FARP1: variants seen among roughly 807,000 people sequenced by gnomAD.
FARP1 encodes the protein FERM, ARH/RhoGEF and pleckstrin domain protein 1, also known as FERM, ARHGEF and pleckstrin domain-containing protein 1.
A neutral mutation model predicts 128.8 loss-of-function variants in FARP1; 52 were observed. That is an observed-to-expected ratio of 0.40 (90% CI 0.32 to 0.51). The LOEUF (loss-of-function observed/expected upper bound fraction) is 0.51, where lower values mean the gene tolerates loss of function less well. Among genes scored for constraint, FARP1 ranks in the 20% least tolerant of loss-of-function variants. The pLI, the probability that FARP1 is intolerant of heterozygous loss-of-function variation, is 0.45. For missense variants in FARP1, 1,333 were observed against 1,367.9 expected (o/e 0.97, Z 0.40); for synonymous variants, 580 against 551.8 (o/e 1.05, Z -0.72).
chr13:98,215,416 G>T (rs1037712524), intron 2 of FARP1, among the ~76,000 whole-genome samples: 2 of 152,160 alleles, frequency 1.3e-5, no homozygotes, highest in African/African-American at 4.8e-5. Flanking sequence ...ATGCACAAGG[G>T]AGCCTGGGTT....
intron 2 of FARP1, among the ~76,000 whole-genome samples, chr13:98,312,135 C>CTGTTTT (rs1886489023): frequency 1.2e-5 from 1 of 86,120 alleles, no homozygotes; most frequent in African/African-American, 4.8e-5. Flanking sequence ...GTGGTAACTG[C>CTGTTTT]TTTTTTTTTT....
At chr13:98,246,814 T>C (rs1883093283) in intron 2 of FARP1, among the ~76,000 whole-genome samples, 1 of 152,128 alleles carries the variant, frequency 6.6e-6, no homozygotes, top group Non-Finnish European at 1.5e-5. Context: ...AAATGGAACA[T>C]TGTTAATTAG....
chr13:98,165,786 C>T (rs1275726048), intron 1 of FARP1, among the ~76,000 whole-genome samples: 6 of 120,720 alleles, frequency 5.0e-5, no homozygotes, highest in East Asian at 2.8e-4. Context: ...GGTGCGATCT[C>T]GGGTCACTGA....
chr13:98,186,002 T>A (rs1015149882), intron 1 of FARP1, among the ~76,000 whole-genome samples: 1 of 151,694 alleles, frequency 6.6e-6, no homozygotes, highest in African/African-American at 2.4e-5. Flanking sequence ...CCGGCCACAT[T>A]TACTGTTTTG....
At chr13:98,226,118 G>T (rs1881748626) in intron 2 of FARP1, among the ~76,000 whole-genome samples, 1 of 152,214 alleles carries the variant, frequency 6.6e-6, no homozygotes, top group South Asian at 2.1e-4. Context: ...GTGGCTTGAA[G>T]AATCTCAGTG....
At chr13:98,395,675 G>A (rs566547263) in intron 13 of FARP1, 199 bp downstream of exon 13, 21 of 614,134 alleles carry the variant, frequency 3.4e-5, no homozygotes, top group Non-Finnish European at 3.7e-5. Flanking sequence ...GAGGAGGGGC[G>A]AAGAGAGGCT....
chr13:98,223,639 C>CT (rs1338879973), intron 2 of FARP1, among the ~76,000 whole-genome samples: 1 of 152,148 alleles, frequency 6.6e-6, no homozygotes, highest in Non-Finnish European at 1.5e-5. Flanking sequence ...GAAGACATTG[C>CT]TTTGTTTTTT....
chr13:98,364,390 G>T (rs1253900123), intron 3 of FARP1, among the ~76,000 whole-genome samples: 1 of 152,072 alleles, frequency 6.6e-6, no homozygotes, highest in Non-Finnish European at 1.5e-5. Context: ...TTTAATGGGT[G>T]GAAATGGTAT....
chr13:98,384,518 G>C (rs1043245471), intron 6 of FARP1: 14 of 581,034 alleles, frequency 2.4e-5, no homozygotes, highest in Non-Finnish European at 4.3e-5. Context: ...GACTGATAGA[G>C]ATGAGGAGGG....
At chr13:98,275,626 C>CTTTTTTTTTTTTT (rs1566822544) in intron 2 of FARP1, among the ~76,000 whole-genome samples, 1 of 140,524 alleles carries the variant, frequency 7.1e-6, no homozygotes. Flanking sequence ...TTCTCTTTCT[C>CTTTTTTTTTTTTT]TCTTTTTTTT....
intron 2 of FARP1, among the ~76,000 whole-genome samples, chr13:98,324,231 A>G (rs1021261774): frequency 2.0e-5 from 3 of 152,180 alleles, no homozygotes; most frequent in African/African-American, 7.2e-5. Context: ...ACAAAGGTCA[A>G]GTTACTCTCA....
At chr13:98,311,733 A>G (rs1468871225) in intron 2 of FARP1, among the ~76,000 whole-genome samples, 2 of 151,942 alleles carry the variant, frequency 1.3e-5, no homozygotes, top group East Asian at 3.9e-4. Context: ...CCTAGAGAGA[A>G]CTCGTACTTT....
In FARP1 at chr13:98,446,799, G is replaced by A. The variant is rs1892869311; in HGVS notation, c.3038G>A (p.Ser1013Asn). The A allele has an allele frequency of 6.2e-7, 1 of 1,614,158 alleles. No individual in the cohort carries two copies. The highest frequency in any genetic ancestry group is 1.1e-5 in the South Asian group (1 of 91,078). ...KSHVYYFRAESEYTFERWMEV... is the reference protein window; with the variant it reads ...KSHVYYFRAENEYTFERWMEV... ...CACGTCTACTACTTCAGGGCGGAAA[G>A]CGAGTACACGTTCGAAAGGTAGACA... The change falls in exon 26 of 27, where the codon AGC becomes AAC. Residue 1013 changes from serine (S) to asparagine (N), a missense_variant. Ser to Asn is a conservative substitution (Grantham distance 46). This residue lies in a region of FARP1 where 1,009 missense variants were observed against 969.8 expected (regional missense o/e 1.04). Transcript: ENST00000319562.
chr13:98,361,195 G>A (rs1051006337), intron 3 of FARP1, among the ~76,000 whole-genome samples: 3 of 152,110 alleles, frequency 2.0e-5, no homozygotes, highest in Admixed American at 6.5e-5. Flanking sequence ...CTGCAATCTC[G>A]CTGGGAAACA....
rs57751374 is a variant in FARP1 at position 98,419,483 on chromosome 13, TACACACACACACACAC to T, written c.1827-5070_1827-5055del. On this transcript the variant is annotated intron_variant, in intron 16 of 26. Transcript: ENST00000319562. Reference sequence around the variant, plus strand: ...ACGAGACTCTGTCTCCAAAAAAAAATACACACACACACACACACACACACACACACACACTCTGTTA... The same window carrying T: ...ACGAGACTCTGTCTCCAAAAAAAAATACACACACACACACACACTCTGTTA... Among the ~76,000 whole-genome samples the T allele has an allele frequency of 6.2e-3, 871 of 140,042 alleles. 7 individuals carry two copies. Among genetic ancestry groups the T allele is most frequent in the African/African-American group, 0.023 (837 of 37,108 alleles). The allele number at this position is 140,042 out of a possible 152,430, so 91.9% of individuals were successfully genotyped here. A position where few individuals can be genotyped will look rare whatever the true frequency, so the allele number is the denominator to read the frequency against.
chr13:98,384,822 G>A lies in FARP1; in HGVS notation c.589G>A (p.Val197Met), dbSNP rs78636977. 36 of 1,611,662 alleles carry A rather than the reference G, an allele frequency of 2.2e-5. 1 individual carries two copies. Among genetic ancestry groups the A allele is most frequent in the East Asian group, 2.0e-4 (9 of 44,868 alleles). Residue 197 changes from valine to methionine, a missense_variant, in exon 7 of 27, where the codon GTG (valine) becomes ATG (methionine). By Grantham distance (21) the Val-to-Met change is conservative. Transcript: ENST00000319562. ...GCAAGACGCACTAGAGGACAAAATC[G>A]TGGAATTTCACCATAACCACATGTA... ...PQQDALEDKI[V>M]EFHHNHIGQT...
intron 2 of FARP1, among the ~76,000 whole-genome samples, chr13:98,218,689 G>A (rs777788547): frequency 1.3e-4 from 20 of 152,128 alleles, no homozygotes; most frequent in Admixed American, 1.1e-3. Flanking sequence ...GTTGCGGGCC[G>A]CAGGAAATGT....
intron 2 of FARP1, among the ~76,000 whole-genome samples, chr13:98,305,332 CTT>C (rs34321434): frequency 7.5e-5 from 11 of 145,920 alleles, no homozygotes; most frequent in African/African-American, 5.0e-5. Flanking sequence ...GAATTTCTTT[CTT>C]TTTTTTTTTT....
At chr13:98,257,897 C>T (rs563125359) in intron 2 of FARP1, among the ~76,000 whole-genome samples, 9 of 152,318 alleles carry the variant, frequency 5.9e-5, no homozygotes, top group South Asian at 4.1e-4. Flanking sequence ...TGTGAAGTCA[C>T]GCGTGTGTTA....
Sources: gnomAD v4.1 joint callset for allele counts (sites outside exome capture counted in the v4.1 genomes callset) on GRCh38, gnomAD v4.1.1 for gene constraint, gnomAD v4.1.1 regional missense constraint, MANE v1.5 for transcripts, NCBI Gene and HGNC (gene_info 2026-07-23, HGNC 2026-07-21) for gene names.